Variants in EIF4E3 observed in about 807,000 individuals in gnomAD.
The protein encoded by EIF4E3 is eukaryotic translation initiation factor 4E family member 3.
A neutral mutation model predicts 31.7 loss-of-function variants in EIF4E3; 26 were observed. That is an observed-to-expected ratio of 0.82 (90% confidence interval 0.60 to 1.14). The LOEUF (loss-of-function observed/expected upper bound fraction) is 1.14, where lower values mean the gene tolerates loss of function less well. Ranked by LOEUF, EIF4E3 falls within the 50% of genes most tolerant of loss-of-function variation. EIF4E3 has a pLI of 0.00. For missense variants in EIF4E3, 304 were observed against 270.9 expected, an observed-to-expected ratio of 1.12 and a Z score of -0.86; for synonymous variants, 128 against 107.7, an observed-to-expected ratio of 1.19 and a Z score of -1.17.
intron 1 of EIF4E3, among the ~76,000 whole-genome samples, chr3:71,746,006 G>A (rs1485127232): frequency 3.3e-5 from 5 of 152,138 alleles, no homozygotes; most frequent in African/African-American, 7.2e-5. Flanking sequence ...TGCCACCTAT[G>A]CCGTTAGCAT....
intron 2 of EIF4E3, among the ~76,000 whole-genome samples, chr3:71,705,464 A>G (rs1182556663): frequency 6.6e-6 from 1 of 152,234 alleles, no homozygotes. Flanking sequence ...CTTTCTGCTT[A>G]TGATAAACGA....
intron 1 of EIF4E3, among the ~76,000 whole-genome samples, chr3:71,717,140 T>C (rs2049477431): frequency 6.6e-6 from 1 of 152,206 alleles, no homozygotes; most frequent in African/African-American, 2.4e-5. Flanking sequence ...CCCTGCTGCA[T>C]CTTTGCCACT....
intron 1 of EIF4E3, among the ~76,000 whole-genome samples, chr3:71,721,163 A>G (rs1304489423): frequency 6.6e-6 from 1 of 152,214 alleles, no homozygotes; most frequent in Non-Finnish European, 1.5e-5. Context: ...AGACTTGCAA[A>G]TGATTAGCAG....
chr3:71,737,657 G>T (rs1038292071), intron 1 of EIF4E3, among the ~76,000 whole-genome samples: 3 of 152,172 alleles, frequency 2.0e-5, no homozygotes, highest in African/African-American at 7.2e-5. Context: ...TGGGTGTGGT[G>T]GCTCACATCT....
intron 1 of EIF4E3, among the ~76,000 whole-genome samples, chr3:71,738,051 C>T (rs1308826566): frequency 6.6e-6 from 1 of 152,030 alleles, no homozygotes; most frequent in East Asian, 1.9e-4. Flanking sequence ...TGAAAGAGGC[C>T]AAAAAGTGGA....
intron 1 of EIF4E3, among the ~76,000 whole-genome samples, chr3:71,742,044 C>T (rs2049826483): frequency 6.6e-6 from 1 of 151,986 alleles, no homozygotes; most frequent in African/African-American, 2.4e-5. Context: ...AACACAAATG[C>T]CCGAATAAAG....
intron 1 of EIF4E3, among the ~76,000 whole-genome samples, chr3:71,713,206 C>T (rs1158036573): frequency 2.6e-5 from 4 of 152,204 alleles, no homozygotes; most frequent in African/African-American, 9.7e-5. Context: ...TATTATTTAT[C>T]ACCATTACAG....
intron 1 of EIF4E3, among the ~76,000 whole-genome samples, chr3:71,750,881 A>T: frequency 6.6e-6 from 1 of 150,970 alleles, no homozygotes; most frequent in East Asian, 2.0e-4. Context: ...CTCCTGCCTC[A>T]GCCTCCTGAG....
chr3:71,696,587 A>G (rs1437228091), intron 3 of EIF4E3, 67 bp from the exon 4 acceptor site: 1 of 1,551,108 alleles, frequency 6.4e-7, no homozygotes, highest in Non-Finnish European at 8.9e-7. Context: ...GTTAGATTAA[A>G]TATCTCTTCA....
In EIF4E3 at chr3:71,680,449, G is replaced by A. The variant is rs1300567987; in HGVS notation, c.*4233C>T. ...GGTCCCTTCCACTCTAAAATTCTAA[G>A]AGTCCCTGAATGTTCTTTTAAAAAT... On this transcript the variant is annotated 3_prime_UTR_variant, in exon 7 of 7. Coordinates refer to ENST00000425534, the MANE Select transcript of EIF4E3 (RefSeq NM_001134651.2). 1 of 152,178 alleles carries A rather than the reference G, an allele frequency of 6.6e-6. No individual in the cohort carries two copies. Among genetic ancestry groups the A allele is most frequent in the Non-Finnish European group, 1.5e-5 (1 of 68,032 alleles). The allele number at this position is 152,178 out of a possible 1,614,324, so 9.4% of individuals were successfully genotyped here. A position where few individuals can be genotyped will look rare whatever the true frequency, so the allele number is the denominator to read the frequency against.
rs184360719 is a variant in EIF4E3, at chr3:71,678,080, C to T, written c.*6602G>A. 6.6e-6 allele frequency: 1 copy of T among 152,256 alleles called. No individual in the cohort carries two copies. The highest frequency in any genetic ancestry group is 1.5e-5 in the Non-Finnish European group (1 of 68,004). The allele number at this position is 152,256 out of a possible 1,614,324, so 9.4% of individuals were successfully genotyped here. The stretch of plus-strand genomic sequence containing the variant: ...TAAGCGTCAGACTCCATGCTAGCAG[C>T]GTCACACATATTAGAGGTGTTGGAC... On this transcript the variant is annotated 3_prime_UTR_variant, in exon 7 of 7. Transcript: ENST00000425534.
At position 71,693,793 on chromosome 3, in the gene EIF4E3, C is replaced by T. The variant is rs556202345; in HGVS notation, c.472+82G>A. The T allele has an allele frequency of 5.3e-4, 676 of 1,264,996 alleles. 7 individuals are homozygous for T. The highest frequency in any genetic ancestry group is 2.3e-4 in the Non-Finnish European group (217 of 951,602). The allele number at this position is 1,264,996 out of a possible 1,614,324, so 78.4% of individuals were successfully genotyped here. A position where few individuals can be genotyped will look rare whatever the true frequency, so the allele number is the denominator to read the frequency against. ...TTCAAAACATGTAAAAAGTCAAACA[C>T]GTGATAACAAGCTGCTGCAAGAAAC... On this transcript the variant is annotated intron_variant, in intron 5 of 6. Coordinates refer to ENST00000425534, the MANE Select transcript of EIF4E3 (RefSeq NM_001134651.2).
chr3:71,731,607 T>C (rs1302506180), intron 1 of EIF4E3, among the ~76,000 whole-genome samples: 1 of 152,218 alleles, frequency 6.6e-6, no homozygotes, highest in Non-Finnish European at 1.5e-5. Context: ...ACCAGCAACA[T>C]TTATTAAGGA....
chr3:71,682,600 T>C lies in EIF4E3; in HGVS notation c.*2082A>G, dbSNP rs752917068. ...TGATAGGTTTTTAACATTAGGCAAA[T>C]TAAATCCTTCTCACAGTTGGTATTT... is the stretch of plus-strand genomic sequence containing the variant. On this transcript the variant is annotated 3_prime_UTR_variant, in exon 7 of 7. Coordinates refer to ENST00000425534, the MANE Select transcript of EIF4E3 (RefSeq NM_001134651.2). The C allele has an allele frequency of 2.6e-4, 39 of 152,552 alleles. No homozygotes were observed. Among genetic ancestry groups the C allele is most frequent in the Non-Finnish European group, 5.3e-4 (36 of 68,032 alleles). 9.4% of individuals were successfully genotyped at this position (152,552 alleles called of 1,614,324 possible).
At chr3:71,711,675 A>T (rs2049381199) in intron 1 of EIF4E3, among the ~76,000 whole-genome samples, 1 of 152,162 alleles carries the variant, frequency 6.6e-6, no homozygotes, top group Non-Finnish European at 1.5e-5. Flanking sequence ...GTTGAACCTG[A>T]ATATCAAAAA....
chr3:71,714,269 G>A lies in EIF4E3; in HGVS notation c.177-3785C>T, dbSNP rs201666608. ...AGGAAGGAAGGAAGGAAGGAAGGAAGGAAAGAAGGAAGGAAGGAAGGAAGG... is the reference window on the plus strand; with the variant it reads ...AGGAAGGAAGGAAGGAAGGAAGGAAAGAAAGAAGGAAGGAAGGAAGGAAGG... On this transcript the variant is annotated intron_variant, in intron 1 of 6. Coordinates refer to ENST00000425534, the MANE Select transcript of EIF4E3 (RefSeq NM_001134651.2). Among the ~76,000 whole-genome samples, 69 of 104,268 alleles carry A rather than the reference G, an allele frequency of 6.6e-4. 1 individual carries two copies. In the East Asian group the frequency reaches 7.2e-3, roughly 11 times the overall value. 68.4% of individuals were successfully genotyped at this position (104,268 alleles called of 152,430 possible).
At position 71,675,426 on chromosome 3, in the gene EIF4E3, T is replaced by A. The variant is rs2048868092; in HGVS notation, c.*9256A>T. 6.6e-6 allele frequency: 1 copy of A among 152,228 alleles called. No homozygotes were observed. Among genetic ancestry groups the A allele is most frequent in the Admixed American group, 6.5e-5 (1 of 15,278 alleles). 9.4% of individuals were successfully genotyped at this position (152,228 alleles called of 1,614,324 possible). A position where few individuals can be genotyped will look rare whatever the true frequency, so the allele number is the denominator to read the frequency against. On this transcript the variant is annotated 3_prime_UTR_variant, in exon 7 of 7. Transcript: ENST00000425534. ...CAGAAAAGCAAGCTTCAGATATAAA[T>A]TTTTTAATTCCCAGTTAAAACCTTG...
At chr3:71,719,818 G>A (rs186381183) in intron 1 of EIF4E3, among the ~76,000 whole-genome samples, 79 of 151,846 alleles carry the variant, frequency 5.2e-4, no homozygotes, top group African/African-American at 1.7e-3. Context: ...GTTTGAGACC[G>A]GCCTGGGCAA....
intron 5 of EIF4E3, among the ~76,000 whole-genome samples, chr3:71,691,170 C>T (rs555824346): frequency 1.1e-4 from 16 of 152,134 alleles, no homozygotes; most frequent in East Asian, 1.9e-4. Context: ...ATATGTAATA[C>T]GTGAGAGATA....
Sources: gnomAD v4.1 joint callset for allele counts (sites outside exome capture counted in the v4.1 genomes callset) on GRCh38, gnomAD v4.1.1 for gene constraint, MANE v1.5 for transcripts, NCBI Gene and HGNC (gene_info 2026-07-23, HGNC 2026-07-21) for gene names.